RXRG: variants seen among roughly 807,000 people sequenced by gnomAD.
RXRG encodes the protein retinoic acid receptor RXR-gamma.
In RXRG, 19 loss-of-function variants were observed where a neutral mutation model predicts 49.2. That is an observed-to-expected ratio of 0.39 (90% CI 0.27 to 0.57). The LOEUF is 0.57. Ranked by LOEUF, RXRG falls within the 20% of genes least tolerant of loss-of-function variation. RXRG has a pLI of 0.64. For missense variants in RXRG, 452 were observed against 592.5 expected, an observed-to-expected ratio of 0.76 and a Z score of 2.46; for synonymous variants, 224 against 216.6, an observed-to-expected ratio of 1.03 and a Z score of -0.30.
intron 1 of RXRG, among the ~76,000 whole-genome samples, chr1:165,434,302 G>A (rs192591872): frequency 1.3e-5 from 2 of 151,968 alleles, no homozygotes; most frequent in Non-Finnish European, 2.9e-5. Flanking sequence ...GTGTGTGTGT[G>A]TGTGTGTCAG....
rs547331482 is a variant in RXRG, at chr1:165,422,262, A to G, written c.298-2248T>C. 4.6e-5 allele frequency among the ~76,000 whole-genome samples: 7 copies of G among 152,266 alleles called. No homozygotes were observed. The South Asian group carries it at 1.5e-3, about 32-fold the overall frequency. ...ATTAATTATGTTAATCCTCTCAACA[A>G]CCCTAAGAGGTCTTCCTATTTACAG... On this transcript the variant is annotated intron_variant, in intron 2 of 9. Coordinates refer to ENST00000359842, the MANE Select transcript of RXRG (RefSeq NM_006917.5).
intron 1 of RXRG, among the ~76,000 whole-genome samples, chr1:165,444,402 A>G (rs1659096194): frequency 6.6e-6 from 1 of 152,348 alleles, no homozygotes; most frequent in Non-Finnish European, 1.5e-5. Flanking sequence ...GTTACAAAGT[A>G]TCCCAGGAAC....
intron 1 of RXRG, among the ~76,000 whole-genome samples, chr1:165,434,010 G>T (rs578217623): frequency 2.1e-4 from 32 of 152,178 alleles, no homozygotes; most frequent in African/African-American, 7.7e-4. Context: ...CAGAGTTCTA[G>T]GTTGAGGTTC....
intron 2 of RXRG, among the ~76,000 whole-genome samples, chr1:165,423,557 C>A (rs1343756575): frequency 6.6e-6 from 1 of 152,182 alleles, no homozygotes; most frequent in Non-Finnish European, 1.5e-5. Flanking sequence ...AGTGGCACAG[C>A]CTTAATCTAG....
intron 1 of RXRG, among the ~76,000 whole-genome samples, chr1:165,435,413 G>A (rs1438107520): frequency 6.6e-6 from 1 of 152,172 alleles, no homozygotes; most frequent in African/African-American, 2.4e-5. Flanking sequence ...GGGAGATTGA[G>A]CAAACTGCCC....
intron 1 of RXRG, among the ~76,000 whole-genome samples, chr1:165,435,543 T>C (rs1400055922): frequency 6.6e-6 from 1 of 152,124 alleles, no homozygotes; most frequent in Non-Finnish European, 1.5e-5. Context: ...GGGGAGATAG[T>C]GGAAGGTAAG....
At position 165,417,059 on chromosome 1, in the gene RXRG, T is replaced by C. The variant is rs370846513; in HGVS notation, c.604A>G (p.Met202Val). 16 of 1,613,750 alleles carry C rather than the reference T, an allele frequency of 9.9e-6. No individual in the cohort carries two copies. Among genetic ancestry groups the C allele is most frequent in the East Asian group, 2.2e-5 (1 of 44,892 alleles). ...GTCTCACCTTCCCTCTTCATGCCCA[T>C]GACAAGGCACTTCTGATAGCGACAG... ...QYCRYQKCLV[M>V]GMKREAVQEE... The change falls in exon 4 of 10, where the codon ATG becomes GTG. Residue 202 changes from methionine to valine, a missense_variant. Met to Val is a conservative substitution (Grantham distance 21). Around this residue, in one of 2 missense-constraint regions of RXRG, gnomAD observed 286 missense variants for 440.9 expected, o/e 0.65. Transcript: ENST00000359842.
intron 7 of RXRG, among the ~76,000 whole-genome samples, chr1:165,408,798 G>A (rs1017147254): frequency 1.3e-5 from 2 of 152,188 alleles, no homozygotes; most frequent in Non-Finnish European, 2.9e-5. Flanking sequence ...GTGGGAAAGG[G>A]CAGGGAAGTA....
chr1:165,437,185 A>G (rs1658842214), intron 1 of RXRG: 1 of 1,367,736 alleles, frequency 7.3e-7, no homozygotes, highest in Non-Finnish European at 9.8e-7. Flanking sequence ...GAAGTTGGAG[A>G]GCAGGGGAAG....
At chr1:165,440,019 G>A (rs1302909366) in intron 1 of RXRG, among the ~76,000 whole-genome samples, 1 of 152,202 alleles carries the variant, frequency 6.6e-6, no homozygotes, top group Non-Finnish European at 1.5e-5. Context: ...GTTGAATTGT[G>A]AAGAGATAGA....
chr1:165,438,691 C>T (rs1446928250), intron 1 of RXRG, among the ~76,000 whole-genome samples: 1 of 152,238 alleles, frequency 6.6e-6, no homozygotes, highest in East Asian at 1.9e-4. Flanking sequence ...GCAAGTCTCT[C>T]AACCTCTCTT....
At chr1:165,438,038 A>C (rs911371333) in intron 1 of RXRG, among the ~76,000 whole-genome samples, 1 of 152,208 alleles carries the variant, frequency 6.6e-6, no homozygotes, top group Admixed American at 6.5e-5. Context: ...TAATCTGTCT[A>C]ATGGGAATAA....
intron 1 of RXRG, among the ~76,000 whole-genome samples, 181 bp from the exon 2 acceptor site, chr1:165,429,147 G>A (rs1571283199): frequency 6.6e-6 from 1 of 152,280 alleles, no homozygotes; most frequent in East Asian, 1.9e-4. Flanking sequence ...ACAAGCGAGG[G>A]ACACAGAGGG....
At chr1:165,434,302 G>GTGTGTA (rs1553223970) in intron 1 of RXRG, among the ~76,000 whole-genome samples, 3 of 151,968 alleles carry the variant, frequency 2.0e-5, no homozygotes, top group Non-Finnish European at 4.4e-5. Context: ...GTGTGTGTGT[G>GTGTGTA]TGTGTGTCAG....
At position 165,410,720 on chromosome 1, in the gene RXRG, C is replaced by T. The variant is rs1338900499; in HGVS notation, c.895G>A (p.Val299Ile). 6.2e-7 allele frequency: 1 copy of T among 1,613,896 alleles called. No homozygotes were observed. Among genetic ancestry groups the T allele is most frequent in the African/African-American group, 1.3e-5 (1 of 74,902 alleles). The change falls in exon 6 of 10, where the codon GTC becomes ATC. Residue 299 changes from valine (V) to isoleucine (I), a missense_variant. By Grantham distance (29) the Val-to-Ile change is conservative. Transcript: ENST00000359842. ...GCTTTACCTGCCCGAAGCAAAATGA[C>T]CTGGTCCTCCAAGGTGAGGTCAGAG... ...HFSDLTLEDQ[V>I]ILLRAGWNEL...
At chr1:165,443,052 G>A (rs1451644227) in intron 1 of RXRG, among the ~76,000 whole-genome samples, 5 of 152,170 alleles carry the variant, frequency 3.3e-5, no homozygotes. Flanking sequence ...TTGAGCCTCA[G>A]TTTACACATC....
At chr1:165,420,291 T>A (rs1658269015) in intron 2 of RXRG, among the ~76,000 whole-genome samples, 1 of 152,226 alleles carries the variant, frequency 6.6e-6, no homozygotes, top group African/African-American at 2.4e-5. Context: ...TTTACTCATA[T>A]GTTTTATTTA....
chr1:165,419,996 C>T lies in RXRG; in HGVS notation c.316G>A (p.Val106Ile). The T allele has an allele frequency of 2.5e-6, 4 of 1,601,822 alleles. No homozygotes were observed. Among genetic ancestry groups the T allele is most frequent in the Non-Finnish European group, 3.4e-6 (4 of 1,174,240 alleles). Residue 106 changes from valine to isoleucine, a missense_variant, in exon 3 of 10, where the codon GTC (valine) becomes ATC (isoleucine). Val to Ile is a conservative substitution (Grantham distance 29). Around this residue, in one of 2 missense-constraint regions of RXRG, gnomAD observed 166 missense variants for 151.7 expected, o/e 1.09. Transcript: ENST00000359842. ...GGCTTGATGTCCTCTGAACTGCTGACACTGTTGACCACATTTAGCTGCAAG... is the reference window on the plus strand; with the variant it reads ...GGCTTGATGTCCTCTGAACTGCTGATACTGTTGACCACATTTAGCTGCAAG... ...PSSQLNVVNS[V>I]SSSEDIKPLP...
chr1:165,444,721 A>C, intron 1 of RXRG, 124 bp downstream of exon 1: 1 of 827,972 alleles, frequency 1.2e-6, no homozygotes, highest in Non-Finnish European at 2.0e-6. Flanking sequence ...TATACACACT[A>C]TATATGCATA....
Sources: allele counts gnomAD v4.1 joint callset (sites outside exome capture counted in the v4.1 genomes callset), GRCh38; gene constraint gnomAD v4.1.1; regional missense constraint gnomAD v4.1.1; transcripts MANE v1.5; gene names NCBI Gene and HGNC (gene_info 2026-07-23, HGNC 2026-07-21).